The following GALR1 variants were observed in gnomAD, a reference collection of about 807,000 sequenced individuals.
The protein encoded by GALR1 is galanin receptor type 1.
In GALR1, 11 loss-of-function variants were observed where a neutral mutation model predicts 17.9. The observed-to-expected ratio is 0.62, with a 90% CI of 0.39 to 1.02. The LOEUF is 1.02. Among genes scored for constraint, GALR1 ranks in the 50% least tolerant of loss-of-function variants. GALR1 has a pLI of 0.01. For synonymous variants in GALR1, 206 were observed against 205.7 expected, an observed-to-expected ratio of 1.00 and a Z score of -0.01; for missense variants, 441 against 456.9, an observed-to-expected ratio of 0.97 and a Z score of 0.32.
chr18:77,268,586 C>T lies in GALR1; in HGVS notation c.734C>T (p.Thr245Ile), dbSNP rs1912991876. Reference protein sequence around the residue: ...SKKSEASKKKTAQTVLVVVVV... With the variant: ...SKKSEASKKKIAQTVLVVVVV... ...CCTCCTCCTCTTCTTCTTTTCTAGA[C>T]TGCACAGACAGTTCTGGTGGTGGTT... Residue 245 changes from threonine to isoleucine, a missense_variant and splice_region_variant, in exon 3 of 3, where the codon ACT (threonine) becomes ATT (isoleucine). Thr to Ile is a moderately conservative substitution (Grantham distance 89). Coordinates refer to ENST00000299727, the MANE Select transcript of GALR1 (RefSeq NM_001480.4). 6.2e-7 allele frequency: 1 copy of T among 1,611,616 alleles called. No individual in the cohort carries two copies. Among genetic ancestry groups the T allele is most frequent in the Admixed American group, 1.7e-5 (1 of 59,930 alleles).
At chr18:77,266,508 C>T (rs1361040911) in intron 2 of GALR1, among the ~76,000 whole-genome samples, 1 of 152,194 alleles carries the variant, frequency 6.6e-6, no homozygotes, top group South Asian at 2.1e-4. Context: ...AGTATCTTTA[C>T]AGCAGTGCCC....
Position 77,271,246 on chromosome 18 carries a change from A to AGCCC in GALR1, c.*2344_*2345insGCCC, listed in dbSNP as rs1913055960. 1 of 77,952 alleles carries AGCCC rather than the reference A, an allele frequency of 1.3e-5. No individual in the cohort carries two copies. Among genetic ancestry groups the AGCCC allele is most frequent in the Non-Finnish European group, 2.8e-5 (1 of 35,090 alleles). 4.8% of individuals were successfully genotyped at this position (77,952 alleles called of 1,614,324 possible). A position where few individuals can be genotyped will look rare whatever the true frequency, so the allele number is the denominator to read the frequency against. ...CAAAAAGTAATAGCTTGCGCTTGAA[A>AGCCC]CCCCCCCCCCCCCGCCACTTTGCTA... On this transcript the variant is annotated 3_prime_UTR_variant, in exon 3 of 3. Coordinates refer to ENST00000299727, the MANE Select transcript of GALR1 (RefSeq NM_001480.4).
chr18:77,251,377 C>T (rs1259116140), intron 1 of GALR1, among the ~76,000 whole-genome samples, 163 bp downstream of exon 1: 2 of 152,256 alleles, frequency 1.3e-5, no homozygotes, highest in Non-Finnish European at 2.9e-5. Flanking sequence ...GAGAGGCTTC[C>T]TGGCCGCTGC....
chr18:77,268,875 A>G lies in GALR1; in HGVS notation c.1023A>G (p.Pro341=). The change falls in exon 3 of 3, where the codon CCA becomes CCG. Residue 341 remains proline (P), a synonymous_variant. Transcript: ENST00000299727. ...AAAGTAAAAGTCGAATAGACACCCC[A>G]CCATCAACCAATTGTACTCATGTGT... is the stretch of plus-strand genomic sequence containing the variant. The part of the protein sequence containing the change: ...TKESKSRIDT[P]PSTNCTHV The G allele has an allele frequency of 1.2e-6, 2 of 1,612,732 alleles. No individual in the cohort carries two copies. Among genetic ancestry groups the G allele is most frequent in the Non-Finnish European group, 1.7e-6 (2 of 1,178,874 alleles).
At position 77,275,278 on chromosome 18, in the gene GALR1, T is replaced by A. The variant is rs1913134042; in HGVS notation, c.*6376T>A. 2.0e-5 allele frequency: 3 copies of A among 152,292 alleles called. No individual in the cohort carries two copies. The highest frequency in any genetic ancestry group is 7.2e-5 in the African/African-American group (3 of 41,458). 9.4% of individuals were successfully genotyped at this position (152,292 alleles called of 1,614,324 possible). A position where few individuals can be genotyped will look rare whatever the true frequency, so the allele number is the denominator to read the frequency against. On this transcript the variant is annotated 3_prime_UTR_variant, in exon 3 of 3. Coordinates refer to ENST00000299727, the MANE Select transcript of GALR1 (RefSeq NM_001480.4). ...TTGTCCGTCTGCTCAGTGAGAGGAA[T>A]TCCAATGCTGGGTCTTGACTCCCGC... is the stretch of plus-strand genomic sequence containing the variant.
intron 2 of GALR1, among the ~76,000 whole-genome samples, chr18:77,259,829 G>C (rs931045555): frequency 6.6e-6 from 1 of 151,918 alleles, no homozygotes; most frequent in African/African-American, 2.4e-5. Context: ...GCGGAGAGAG[G>C]GGGACAGAGG....
chr18:77,268,118 C>A (rs541269343), intron 2 of GALR1, among the ~76,000 whole-genome samples: 2 of 152,094 alleles, frequency 1.3e-5, no homozygotes, highest in East Asian at 3.8e-4. Context: ...CAAAGTTTAA[C>A]GAGGAGAAAT....
intron 2 of GALR1, among the ~76,000 whole-genome samples, chr18:77,257,922 A>G (rs914577700): frequency 6.6e-6 from 1 of 152,238 alleles, no homozygotes; most frequent in East Asian, 1.9e-4. Context: ...TGTGTTAATG[A>G]TTCAAAAGAT....
chr18:77,261,799 G>A (rs1193066362), intron 2 of GALR1, among the ~76,000 whole-genome samples: 1 of 152,054 alleles, frequency 6.6e-6, no homozygotes, highest in Admixed American at 6.6e-5. Flanking sequence ...TTCATCAGTG[G>A]TTCTCCAAAC....
intron 2 of GALR1, among the ~76,000 whole-genome samples, chr18:77,256,552 T>C (rs2144953979): frequency 8.6e-6 from 1 of 116,288 alleles, no homozygotes; most frequent in South Asian, 3.4e-4. Flanking sequence ...GTTGCTGACA[T>C]GCATACTTAG....
At chr18:77,260,704 A>G (rs1403518529) in intron 2 of GALR1, among the ~76,000 whole-genome samples, 1 of 152,238 alleles carries the variant, frequency 6.6e-6, no homozygotes, top group Non-Finnish European at 1.5e-5. Flanking sequence ...AGTGCAAAAG[A>G]AGAATAGGAT....
chr18:77,252,932 C>CCATCACCACCACCACCAT (rs1912479287), intron 1 of GALR1, among the ~76,000 whole-genome samples: 1 of 40,900 alleles, frequency 2.4e-5, no homozygotes, highest in African/African-American at 7.8e-5. Flanking sequence ...ATCACCACCA[C>CCATCACCACCACCACCAT]CACCACCACC....
chr18:77,268,938 A>G lies in GALR1; in HGVS notation c.*36A>G, dbSNP rs767338851. On this transcript the variant is annotated 3_prime_UTR_variant, in exon 3 of 3. Transcript: ENST00000299727. ...AGTATCCTTATGGTTGAGTTTCCAT[A>G]TAAGTGGACCAGACACAGAAACAAA... The G allele has an allele frequency of 1.4e-5, 20 of 1,476,862 alleles. No individual in the cohort carries two copies. The highest frequency in any genetic ancestry group is 1.7e-4 in the Middle Eastern group (1 of 5,784). The allele number at this position is 1,476,862 out of a possible 1,614,324, so 91.5% of individuals were successfully genotyped here.
intron 2 of GALR1, among the ~76,000 whole-genome samples, chr18:77,258,686 GAT>G (rs1912675521): frequency 6.8e-6 from 1 of 147,028 alleles, no homozygotes; most frequent in Admixed American, 6.7e-5. Flanking sequence ...TGGTGATGGT[GAT>G]GGTGGTGGTG....
intron 2 of GALR1, among the ~76,000 whole-genome samples, chr18:77,266,094 G>A (rs567979841): frequency 2.0e-5 from 3 of 152,170 alleles, no homozygotes; most frequent in African/African-American, 7.2e-5. Flanking sequence ...TTTTCCAAAC[G>A]TTTATATGCT....
chr18:77,258,679 T>TG (rs1320831267), intron 2 of GALR1, among the ~76,000 whole-genome samples: 2 of 145,280 alleles, frequency 1.4e-5, no homozygotes, highest in African/African-American at 5.3e-5. Flanking sequence ...GTCATGGTGG[T>TG]GATGGTGATG....
At chr18:77,261,216 T>G (rs940112610) in intron 2 of GALR1, among the ~76,000 whole-genome samples, 1 of 152,178 alleles carries the variant, frequency 6.6e-6, no homozygotes, top group Non-Finnish European at 1.5e-5. Context: ...AGACCTAAAC[T>G]CAAGTGTAAG....
chr18:77,259,799 G>C (rs1912788135), intron 2 of GALR1, among the ~76,000 whole-genome samples: 1 of 151,966 alleles, frequency 6.6e-6, no homozygotes, highest in Admixed American at 6.6e-5. Flanking sequence ...GGAAGCAGAG[G>C]CGTGATGAGA....
At chr18:77,267,510 C>T (rs1428205671) in intron 2 of GALR1, among the ~76,000 whole-genome samples, 3 of 152,196 alleles carry the variant, frequency 2.0e-5, no homozygotes, top group Non-Finnish European at 4.4e-5. Flanking sequence ...ATCATCGGTC[C>T]ACTAGTTTCG....
Sources: gnomAD v4.1 joint callset for allele counts (sites outside exome capture counted in the v4.1 genomes callset) on GRCh38, gnomAD v4.1.1 for gene constraint, MANE v1.5 for transcripts, NCBI Gene and HGNC (gene_info 2026-07-23, HGNC 2026-07-21) for gene names.